Variants in MTOR observed in about 807,000 individuals in gnomAD.
MTOR encodes serine/threonine-protein kinase mTOR.
In MTOR, 70 loss-of-function variants were observed where a neutral mutation model predicts 319.8. That is an observed-to-expected ratio of 0.22 (90% CI 0.18 to 0.27). The LOEUF is 0.27. Ranked by LOEUF, MTOR falls within the 10% of genes least tolerant of loss-of-function variation. MTOR has a pLI of 1.00. For synonymous variants in MTOR, 1,183 were observed against 1,211.4 expected (o/e 0.98, Z 0.49); for missense variants, 1,890 against 3,274.4 (o/e 0.58, Z 10.32).
Position 11,126,641 on chromosome 1 carries a change from G to A in MTOR, c.6507C>T (p.Pro2169=), listed in dbSNP as rs749458763. ...CCTTACCCATAAGTGTCAATTTCCG[G>A]GGCCTCTGCTTGGATGTGATGACTT... ...SLQVITSKQR[P]RKLTLMGSNG... is the part of the protein sequence containing the mutation. The change falls in exon 46 of 58, where the codon CCC becomes CCT. Residue 2169 remains proline, a synonymous_variant. Transcript: ENST00000361445. 1.2e-6 allele frequency: 2 copies of A among 1,613,834 alleles called. No homozygotes were observed. Among genetic ancestry groups the A allele is most frequent in the Admixed American group, 1.7e-5 (1 of 59,960 alleles).
chr1:11,119,440 G>A (rs943789858), intron 49 of MTOR, among the ~76,000 whole-genome samples: 3 of 151,464 alleles, frequency 2.0e-5, no homozygotes, highest in African/African-American at 4.8e-5. Flanking sequence ...GCATGGAGGC[G>A]GGTGCCTGTA....
Position 11,243,265 on chromosome 1 carries a change from G to T in MTOR, c.1261C>A (p.Leu421Ile). Residue 421 changes from leucine to isoleucine, a missense_variant, in exon 9 of 58, where the codon CTA becomes ATA. Around this residue, in one of 15 missense-constraint regions of MTOR, gnomAD observed 418 missense variants for 543.1 expected, o/e 0.77. Transcript: ENST00000361445. ...TCCTTCTCCTTCTTGACACAGCTTA[G>T]GACATGGTTCATGGTATCTTGGAGA... is the stretch of plus-strand genomic sequence containing the variant. ...QYLQDTMNHVLSCVKKEKERT... is the reference protein window; with the variant it reads ...QYLQDTMNHVISCVKKEKERT... 6.2e-7 allele frequency: 1 copy of T among 1,614,198 alleles called. No individual in the cohort carries two copies. Among genetic ancestry groups the T allele is most frequent in the Non-Finnish European group, 8.5e-7 (1 of 1,180,028 alleles).
chr1:11,138,123 T>A, intron 36 of MTOR, among the ~76,000 whole-genome samples: 1 of 152,174 alleles, frequency 6.6e-6, no homozygotes, highest in East Asian at 1.9e-4. Flanking sequence ...CTTGAGATAT[T>A]ACCCAAAAGA....
chr1:11,258,457 T>C (rs1462196289), intron 3 of MTOR, 28 bp downstream of exon 3: 2 of 1,509,882 alleles, frequency 1.3e-6, no homozygotes, highest in South Asian at 1.1e-5. Context: ...GAGTGTGTTG[T>C]TTTTGTGACC....
chr1:11,221,759 C>G (rs1413671820), intron 19 of MTOR, among the ~76,000 whole-genome samples: 1 of 146,672 alleles, frequency 6.8e-6, no homozygotes, highest in African/African-American at 2.5e-5. Context: ...TAGAAATACT[C>G]TATATAGAGA....
chr1:11,202,915 C>CAAAAAACA (rs70977552), intron 26 of MTOR, among the ~76,000 whole-genome samples: 1 of 151,412 alleles, frequency 6.6e-6, no homozygotes, highest in Admixed American at 6.6e-5. Context: ...AAAACAAAAA[C>CAAAAAACA]AAAAACAAAA....
At chr1:11,149,982 G>A in intron 31 of MTOR, 144 bp downstream of exon 31, 2 of 570,478 alleles carry the variant, frequency 3.5e-6, no homozygotes, top group Middle Eastern at 4.7e-4. Context: ...ACAGATGGAA[G>A]GTGTAGAAGT....
intron 2 of MTOR, 41 bp downstream of exon 2, chr1:11,259,207 C>G: frequency 6.2e-7 from 1 of 1,601,106 alleles, no homozygotes; most frequent in South Asian, 1.1e-5. Flanking sequence ...TACATTTAGC[C>G]CACACATCCC....
At chr1:11,126,959 C>CA (rs1642867883) in intron 45 of MTOR, 51 bp downstream of exon 45, 1 of 1,605,650 alleles carries the variant, frequency 6.2e-7, no homozygotes, top group African/African-American at 1.3e-5. Context: ...GACAGTAAAA[C>CA]AGAAAGGACT....
At chr1:11,232,586 T>C in intron 15 of MTOR, 58 bp from the exon 16 acceptor site, 2 of 1,486,764 alleles carry the variant, frequency 1.3e-6, no homozygotes, top group Non-Finnish European at 1.9e-6. Context: ...TTAGAAAGTA[T>C]TTTGGAGGCC....
intron 30 of MTOR, chr1:11,152,283 T>G (rs1309829973): frequency 6.6e-6 from 1 of 152,200 alleles, no homozygotes; most frequent in African/African-American, 2.4e-5. Context: ...TAGGGAGGAC[T>G]GGGTAAAAGG....
At chr1:11,206,785 C>G (rs1264531584) in intron 25 of MTOR, among the ~76,000 whole-genome samples, 2 of 152,214 alleles carry the variant, frequency 1.3e-5, no homozygotes, top group East Asian at 1.9e-4. Context: ...ATCGCCTCAT[C>G]TGGTGATGCT....
At position 11,128,367 on chromosome 1, in the gene MTOR, C is replaced by T. The variant is rs1642952008; in HGVS notation, c.5910+87G>A. 1 of 1,406,902 alleles carries T rather than the reference C, an allele frequency of 7.1e-7. No homozygotes were observed. Among genetic ancestry groups the T allele is most frequent in the African/African-American group, 1.4e-5 (1 of 70,770 alleles). 87.2% of individuals were successfully genotyped at this position (1,406,902 alleles called of 1,614,324 possible). A position where few individuals can be genotyped will look rare whatever the true frequency, so the allele number is the denominator to read the frequency against. On this transcript the variant is annotated intron_variant, in intron 42 of 57. Coordinates refer to ENST00000361445, the MANE Select transcript of MTOR (RefSeq NM_004958.4). The surrounding 1 kb of genome is among the most constrained non-coding windows in gnomAD (Gnocchi z 5.3). ...GGATGGAACACATGGCTCCCAGTTC[C>T]TGCGCTTGTGTCGCCAGGGCAGCTT... is the stretch of plus-strand genomic sequence containing the variant.
intron 19 of MTOR, 39 bp downstream of exon 19, chr1:11,228,629 C>A (rs762586943): frequency 6.2e-7 from 1 of 1,602,468 alleles, no homozygotes. Context: ...ATGTGTGGTG[C>A]AGAGGAGAAA....
chr1:11,128,730 G>C lies in MTOR; in HGVS notation c.5811+125C>G. ...TATGGACACTTGACACTGGGACCGA[G>C]CCCTACTTCCTTAGCACTGTATTAA... On this transcript the variant is annotated intron_variant, in intron 41 of 57. Coordinates refer to ENST00000361445, the MANE Select transcript of MTOR (RefSeq NM_004958.4). This position sits in a 1 kb window ranked among gnomAD's most constrained non-coding sequence, Gnocchi z 5.3. 9.9e-7 allele frequency: 1 copy of C among 1,014,246 alleles called. No homozygotes were observed. Among genetic ancestry groups the C allele is most frequent in the Non-Finnish European group, 1.5e-6 (1 of 671,782 alleles). The allele number at this position is 1,014,246 out of a possible 1,614,324, so 62.8% of individuals were successfully genotyped here.
chr1:11,231,442 G>A lies in MTOR; in HGVS notation c.2515-8C>T. The A allele has an allele frequency of 6.2e-7, 1 of 1,613,734 alleles. No homozygotes were observed. The highest frequency in any genetic ancestry group is 8.5e-7 in the Non-Finnish European group (1 of 1,179,842). On this transcript the variant is annotated splice_polypyrimidine_tract_variant and splice_region_variant and intron_variant, in intron 16 of 57. Coordinates refer to ENST00000361445, the MANE Select transcript of MTOR (RefSeq NM_004958.4). ...CAGGGTCCACAGAGCCACCTGGATA[G>A]GCACAAGAACACGATTCAATGAGCC...
chr1:11,126,848 A>C (rs767721042), intron 45 of MTOR, 52 bp from the exon 46 acceptor site: 1 of 1,592,486 alleles, frequency 6.3e-7, no homozygotes, highest in Non-Finnish European at 8.5e-7. Flanking sequence ...GAAGAATTTA[A>C]ACGCAATTTA....
chr1:11,241,377 C>G (rs1648005129), intron 10 of MTOR, among the ~76,000 whole-genome samples, 176 bp downstream of exon 10: 1 of 149,212 alleles, frequency 6.7e-6, no homozygotes, highest in African/African-American at 2.5e-5. Context: ...TAGTCAAGAT[C>G]ATATAGAAAG....
intron 28 of MTOR, chr1:11,193,818 A>G (rs759542507): frequency 7.3e-5 from 117 of 1,596,616 alleles, no homozygotes; most frequent in Non-Finnish European, 9.5e-5. Flanking sequence ...CAGTGCCACC[A>G]CACATGACCG....
Sources: gnomAD v4.1 joint callset for allele counts (sites outside exome capture counted in the v4.1 genomes callset) on GRCh38, gnomAD v4.1.1 for gene constraint, gnomAD v4.1.1 regional missense constraint, Gnocchi (gnomAD v3.1) non-coding constraint, MANE v1.5 for transcripts, NCBI Gene and HGNC (gene_info 2026-07-23, HGNC 2026-07-21) for gene names.